Variants in TF observed in about 807,000 individuals in gnomAD.
The protein encoded by TF is transferrin, also known as serotransferrin.
Under a neutral mutation model 82.4 loss-of-function variants are expected in TF, and 55 were observed. The ratio of observed to expected loss-of-function variants is 0.67; its 90% confidence interval spans 0.54 to 0.84. The LOEUF (loss-of-function observed/expected upper bound fraction) is 0.84. Ranked by LOEUF, TF falls within the 40% of genes least tolerant of loss-of-function variation. The pLI is 0.00. For missense variants in TF, 737 were observed against 868.4 expected (o/e 0.85, Z 1.90); for synonymous variants, 332 against 332.6 (o/e 1.00, Z 0.02).
At chr3:133,775,700 A>G (rs921768705) in intron 15 of TF, 83 bp downstream of exon 15, 1 of 1,394,064 alleles carries the variant, frequency 7.2e-7, no homozygotes, top group African/African-American at 1.4e-5. Flanking sequence ...AAGTGCAGCC[A>G]TGACTCCAGC....
At chr3:133,704,900 A>G in the TF span, among the ~76,000 whole-genome samples, 1 of 150,290 alleles carries the variant, frequency 6.7e-6, no homozygotes, top group Non-Finnish European at 1.5e-5. Context: ...CATCTGCTAC[A>G]TTATCTTTCA....
the TF span, among the ~76,000 whole-genome samples, chr3:133,728,434 A>C: frequency 6.6e-6 from 1 of 151,158 alleles, no homozygotes; most frequent in Non-Finnish European, 1.5e-5. Context: ...CCTTTCTTCC[A>C]GTTCATTGCA....
the TF span, among the ~76,000 whole-genome samples, chr3:133,670,864 G>A: frequency 6.6e-6 from 1 of 152,186 alleles, no homozygotes; most frequent in Non-Finnish European, 1.5e-5. Context: ...ATGGCCAGGG[G>A]GAATCTGGCT....
At position 133,790,421 on chromosome 3, in the gene TF, T is replaced by G. The variant is rs1409356698; in HGVS notation, c.*11801T>G. 6.6e-6 allele frequency: 1 copy of G among 152,194 alleles called. No homozygotes were observed. The highest frequency in any genetic ancestry group is 2.1e-4 in the South Asian group (1 of 4,834). 9.4% of individuals were successfully genotyped at this position (152,194 alleles called of 1,614,324 possible). A position where few individuals can be genotyped will look rare whatever the true frequency, so the allele number is the denominator to read the frequency against. On this transcript the variant is annotated 3_prime_UTR_variant, in exon 17 of 17. Transcript: ENST00000402696. ...GTGTTATTAGTGAGAAAAAGAATAATTTAGAAGTTATCTAAAAGTTAGTTC... is the reference window on the plus strand; with the variant it reads ...GTGTTATTAGTGAGAAAAAGAATAAGTTAGAAGTTATCTAAAAGTTAGTTC...
At chr3:133,693,397 G>A in the TF span, among the ~76,000 whole-genome samples, 1 of 152,230 alleles carries the variant, frequency 6.6e-6, no homozygotes, top group Non-Finnish European at 1.5e-5. Flanking sequence ...GGCACAGTAA[G>A]GCTAGGGTGA....
In TF at chr3:133,766,360, G is replaced by C. The variant is rs1197113195; in HGVS notation, c.1413G>C (p.Thr471=). The C allele has an allele frequency of 6.2e-7, 1 of 1,614,094 alleles. No homozygotes were observed. Among genetic ancestry groups the C allele is most frequent in the African/African-American group, 1.3e-5 (1 of 74,934 alleles). Residue 471 remains threonine, a synonymous_variant, in exon 12 of 17, where the codon ACG becomes ACC. Transcript: ENST00000402696. ...DNLKGKKSCH[T]AVGRTAGWNI... is the part of the protein sequence containing the mutation. ...TGAAAGGCAAGAAGTCCTGCCATAC[G>C]GCAGTTGGCAGAACCGCTGGCTGGA...
the TF span, among the ~76,000 whole-genome samples, chr3:133,723,477 GT>G: frequency 4.1e-4 from 55 of 133,538 alleles, no homozygotes; most frequent in Middle Eastern, 3.9e-3. Context: ...TTTTATTCTT[GT>G]TTTTTTTTTT....
At chr3:133,677,367 G>A in the TF span, among the ~76,000 whole-genome samples, 1 of 152,176 alleles carries the variant, frequency 6.6e-6, no homozygotes, top group South Asian at 2.1e-4. Context: ...GGCCGGGCAC[G>A]GTGGCTCACG....
intron 2 of TF, among the ~76,000 whole-genome samples, chr3:133,752,034 C>T (rs1933686765): frequency 6.6e-6 from 1 of 151,846 alleles, no homozygotes; most frequent in African/African-American, 2.4e-5. Context: ...TTTAGAAATA[C>T]TATTGTCTTA....
chr3:133,752,097 ATT>A (rs111531493), intron 2 of TF, among the ~76,000 whole-genome samples: 22,094 of 133,316 alleles, frequency 0.17, 1,536 homozygotes, highest in South Asian at 0.22. Flanking sequence ...TTGCTTTGTA[ATT>A]TTTTTTTTTT....
chr3:133,740,053 A>G, the TF span, among the ~76,000 whole-genome samples: 738 of 152,336 alleles, frequency 4.8e-3, 8 homozygotes, highest in African/African-American at 0.017. Flanking sequence ...TTGTGGCACT[A>G]TTCACAATAG....
rs750029613 is a variant in TF at position 133,791,350 on chromosome 3, A to G, written c.*12730A>G. Reference sequence around the variant, plus strand: ...AACTATTTGTGAATATTCTTAATTCATGGCAATGTGTTTGTTTGCATATAG... The same window carrying G: ...AACTATTTGTGAATATTCTTAATTCGTGGCAATGTGTTTGTTTGCATATAG... On this transcript the variant is annotated 3_prime_UTR_variant, in exon 17 of 17. Transcript: ENST00000402696. The G allele has an allele frequency of 5.3e-5, 8 of 152,298 alleles. No homozygotes were observed. The East Asian group carries it at 1.2e-3, about 22-fold the overall frequency. 9.4% of individuals were successfully genotyped at this position (152,298 alleles called of 1,614,324 possible).
the TF span, among the ~76,000 whole-genome samples, chr3:133,674,614 A>G: frequency 6.6e-6 from 1 of 152,152 alleles, no homozygotes; most frequent in Non-Finnish European, 1.5e-5. Flanking sequence ...GAGGCTCGCT[A>G]TCTGCGCCCT....
chr3:133,683,788 A>T, the TF span, among the ~76,000 whole-genome samples: 1 of 152,352 alleles, frequency 6.6e-6, no homozygotes, highest in Non-Finnish European at 1.5e-5. Context: ...CATTAGACAG[A>T]TCAACGAGAC....
chr3:133,697,019 G>T, the TF span, among the ~76,000 whole-genome samples: 1 of 152,186 alleles, frequency 6.6e-6, no homozygotes, highest in Non-Finnish European at 1.5e-5. Flanking sequence ...GAGAATTTTA[G>T]ATCATCGCTT....
the TF span, among the ~76,000 whole-genome samples, chr3:133,738,989 A>G: frequency 8.3e-4 from 126 of 152,338 alleles, no homozygotes; most frequent in Non-Finnish European, 3.8e-4. Flanking sequence ...GAACCAAAAA[A>G]GAGCCCGCAT....
At chr3:133,757,643 C>A in intron 7 of TF, 126 bp from the exon 8 acceptor site, 1 of 904,672 alleles carries the variant, frequency 1.1e-6, no homozygotes, top group Admixed American at 2.0e-5. Flanking sequence ...GGTCCGACTG[C>A]CCTCTCTCCT....
At chr3:133,721,577 T>A in the TF span, among the ~76,000 whole-genome samples, 4 of 152,218 alleles carry the variant, frequency 2.6e-5, no homozygotes, top group Admixed American at 1.3e-4. Flanking sequence ...GATGGAATGT[T>A]CTGTAAATAT....
At position 133,783,589 on chromosome 3, in the gene TF, C is replaced by A. The variant is rs1934568614; in HGVS notation, c.*4969C>A. 6.6e-6 allele frequency: 1 copy of A among 152,202 alleles called. No individual in the cohort carries two copies. The highest frequency in any genetic ancestry group is 1.5e-5 in the Non-Finnish European group (1 of 68,034). The allele number at this position is 152,202 out of a possible 1,614,324, so 9.4% of individuals were successfully genotyped here. Reference sequence around the variant, plus strand: ...ATTAAGGAAAATATTAATTTCAGATCATATAAAATTCAGAAGTCCTGTAAG... The same window carrying A: ...ATTAAGGAAAATATTAATTTCAGATAATATAAAATTCAGAAGTCCTGTAAG... On this transcript the variant is annotated 3_prime_UTR_variant, in exon 17 of 17. Coordinates refer to ENST00000402696, the MANE Select transcript of TF (RefSeq NM_001063.4).
Sources: gnomAD v4.1 joint callset for allele counts (sites outside exome capture counted in the v4.1 genomes callset) on GRCh38, gnomAD v4.1.1 for gene constraint, MANE v1.5 for transcripts, NCBI Gene and HGNC (gene_info 2026-07-23, HGNC 2026-07-21) for gene names.